PCDHGA4: variants seen among roughly 807,000 people sequenced by gnomAD.
PCDHGA4 encodes protocadherin gamma-A4.
In PCDHGA4, 38 loss-of-function variants were observed where a neutral mutation model predicts 54.6. The ratio of observed to expected loss-of-function variants is 0.70; its 90% CI spans 0.54 to 0.91. The LOEUF (loss-of-function observed/expected upper bound fraction) is 0.91. Ranked by LOEUF, PCDHGA4 falls within the 40% of genes least tolerant of loss-of-function variation. The probability of loss-of-function intolerance (pLI) is 0.00; values close to 1 mark genes in which losing one functional copy is unlikely to be tolerated. For missense variants in PCDHGA4, 1,298 were observed against 1,220.9 expected, an observed-to-expected ratio of 1.06 and a Z score of -0.94; for synonymous variants, 511 against 512.9, an observed-to-expected ratio of 1.00 and a Z score of 0.05.
chr5:141,486,287 A>G lies in PCDHGA4; in HGVS notation c.2515-8520A>G, dbSNP rs1484787777. Reference sequence around the variant, plus strand: ...AGAACCTGGCACTGTGGTGGCACTTATCAGTGTGCAGGATCCAGACTCAGG... The same window carrying G: ...AGAACCTGGCACTGTGGTGGCACTTGTCAGTGTGCAGGATCCAGACTCAGG... On this transcript the variant is annotated intron_variant, in intron 1 of 3. Transcript: ENST00000571252. The surrounding 1 kb of genome is among the most constrained non-coding windows in gnomAD (Gnocchi z 5.0). 1 of 1,613,912 alleles carries G rather than the reference A, an allele frequency of 6.2e-7. No homozygotes were observed. The highest frequency in any genetic ancestry group is 8.5e-7 in the Non-Finnish European group (1 of 1,179,970).
intron 1 of PCDHGA4, chr5:141,426,692 C>T: frequency 2.3e-6 from 1 of 435,472 alleles, no homozygotes; most frequent in Non-Finnish European, 4.7e-6. Flanking sequence ...CCCAAAATAG[C>T]ATTGTTTTAC....
chr5:141,362,306 G>A, intron 1 of PCDHGA4: 1 of 1,614,050 alleles, frequency 6.2e-7, no homozygotes, highest in Non-Finnish European at 8.5e-7. Context: ...TCAGATGCTT[G>A]GGACTGTTTT....
chr5:141,410,553 C>T, intron 1 of PCDHGA4: 1 of 1,613,232 alleles, frequency 6.2e-7, no homozygotes. Context: ...TGCAGTGTTT[C>T]TCCTGGAGCC....
chr5:141,370,932 T>A, intron 1 of PCDHGA4: 1 of 1,613,926 alleles, frequency 6.2e-7, no homozygotes, highest in Admixed American at 1.7e-5. Flanking sequence ...GCACTTCTCT[T>A]TGATTCAGAA....
At position 141,476,402 on chromosome 5, in the gene PCDHGA4, G is replaced by A. The variant is rs775511298; in HGVS notation, c.2515-18405G>A. The stretch of plus-strand genomic sequence containing the variant: ...TGTGAACGACCGTCTGGATCGAGAG[G>A]AGCTGTGTGGGACACTGCCCTCTTG... On this transcript the variant is annotated intron_variant, in intron 1 of 3. Coordinates refer to ENST00000571252, the MANE Select transcript of PCDHGA4 (RefSeq NM_018917.4). This position sits in a 1 kb window ranked among gnomAD's most constrained non-coding sequence, Gnocchi z 7.6. 9 of 1,613,992 alleles carry A rather than the reference G, an allele frequency of 5.6e-6. No individual in the cohort carries two copies. Among genetic ancestry groups the A allele is most frequent in the African/African-American group, 1.3e-5 (1 of 74,904 alleles).
At chr5:141,407,873 A>C (rs561323423) in intron 1 of PCDHGA4, 1 of 354,804 alleles carries the variant, frequency 2.8e-6, no homozygotes, top group African/African-American at 2.1e-5. Flanking sequence ...CGAAGAATAT[A>C]TACATTTCGG....
chr5:141,404,072 C>G, intron 1 of PCDHGA4: 3 of 1,613,626 alleles, frequency 1.9e-6, no homozygotes, highest in Non-Finnish European at 2.5e-6. Context: ...TGCTCATGAC[C>G]GAGACTCCGG....
rs762574320 is a variant in PCDHGA4, at chr5:141,485,926, G to A, written c.2515-8881G>A. The A allele has an allele frequency of 2.0e-5, 32 of 1,614,090 alleles. No individual in the cohort carries two copies. Among genetic ancestry groups the A allele is most frequent in the Admixed American group, 1.2e-4 (7 of 60,006 alleles). ...AGCAATCCAGCTACAGGATTAGTGT[G>A]TTGGAGAGCGCACCAGCGGGCATGG... On this transcript the variant is annotated intron_variant, in intron 1 of 3. Transcript: ENST00000571252. The surrounding 1 kb of genome is among the most constrained non-coding windows in gnomAD (Gnocchi z 5.7).
At chr5:141,408,115 C>T (rs2095044760) in intron 1 of PCDHGA4, 1 of 1,461,312 alleles carries the variant, frequency 6.8e-7, no homozygotes, top group Non-Finnish European at 9.1e-7. Context: ...GGGACTCCTC[C>T]TGTCCTGGGC....
intron 1 of PCDHGA4, chr5:141,398,152 G>T: frequency 5.3e-6 from 8 of 1,498,488 alleles, no homozygotes; most frequent in Non-Finnish European, 7.1e-6. Context: ...CGGGGAGCTG[G>T]GCCGGGCTGA....
rs1449911634 is a variant in PCDHGA4 at position 141,384,593 on chromosome 5, C to T, written c.2514+26972C>T. On this transcript the variant is annotated intron_variant, in intron 1 of 3. Transcript: ENST00000571252. ...GACAACCCGCCCGAGATCCTGTACC[C>T]GGCCCTCCCCACAGATGGTTCTACT... 3 of 1,614,252 alleles carry T rather than the reference C, an allele frequency of 1.9e-6. No individual in the cohort carries two copies. The highest frequency in any genetic ancestry group is 4.5e-5 in the East Asian group (2 of 44,888).
intron 1 of PCDHGA4, chr5:141,419,128 A>T (rs1298102722): frequency 1.2e-6 from 2 of 1,613,768 alleles, no homozygotes; most frequent in East Asian, 2.2e-5. Flanking sequence ...TCACCATCGC[A>T]GCCACAGACA....
Position 141,476,966 on chromosome 5 carries a change from G to T in PCDHGA4, c.2515-17841G>T, listed in dbSNP as rs780645226. The T allele has an allele frequency of 6.2e-7, 1 of 1,614,152 alleles. No homozygotes were observed. Among genetic ancestry groups the T allele is most frequent in the Admixed American group, 1.7e-5 (1 of 60,032 alleles). On this transcript the variant is annotated intron_variant, in intron 1 of 3. Coordinates refer to ENST00000571252, the MANE Select transcript of PCDHGA4 (RefSeq NM_018917.4). The surrounding 1 kb of genome is among the most constrained non-coding windows in gnomAD (Gnocchi z 7.6). Reference sequence around the variant, plus strand: ...CAACGGTGAAATTATTTACTCCTTCGGCAGCCACAACCGCGCCGGCGTGCG... The same window carrying T: ...CAACGGTGAAATTATTTACTCCTTCTGCAGCCACAACCGCGCCGGCGTGCG...
intron 1 of PCDHGA4, chr5:141,429,276 T>C (rs748800169): frequency 6.6e-5 from 10 of 152,228 alleles, no homozygotes; most frequent in Non-Finnish European, 1.2e-4. Flanking sequence ...TTTTTTCCTG[T>C]GATGTTTCTT....
chr5:141,401,272 G>A (rs998700154), intron 1 of PCDHGA4, among the ~76,000 whole-genome samples: 1 of 152,172 alleles, frequency 6.6e-6, no homozygotes. Flanking sequence ...AACCTGGCAG[G>A]TGGAGGTTGC....
chr5:141,380,379 A>G (rs1484471466), intron 1 of PCDHGA4, among the ~76,000 whole-genome samples: 1 of 152,244 alleles, frequency 6.6e-6, no homozygotes, highest in Non-Finnish European at 1.5e-5. Context: ...AGTCCCAAAA[A>G]AGAAAAGAGA....
At chr5:141,409,538 A>G (rs772375542) in intron 1 of PCDHGA4, 5 of 1,613,844 alleles carry the variant, frequency 3.1e-6, no homozygotes, top group Non-Finnish European at 4.2e-6. Flanking sequence ...CGCTGACATC[A>G]ACGACAACGC....
chr5:141,483,903 G>C (rs1167942546), intron 1 of PCDHGA4, among the ~76,000 whole-genome samples: 1 of 151,282 alleles, frequency 6.6e-6, no homozygotes, highest in Admixed American at 6.6e-5. Context: ...GCTCTGGTGT[G>C]TTTCCCACTC....
chr5:141,488,210 A>G (rs2099673009), intron 1 of PCDHGA4, among the ~76,000 whole-genome samples: 1 of 152,192 alleles, frequency 6.6e-6, no homozygotes, highest in Admixed American at 6.5e-5. Context: ...ACTCATATCA[A>G]GTCCCTACTG....
Sources: allele counts gnomAD v4.1 joint callset (sites outside exome capture counted in the v4.1 genomes callset), GRCh38; gene constraint gnomAD v4.1.1; non-coding constraint Gnocchi (gnomAD v3.1); transcripts MANE v1.5; gene names NCBI Gene and HGNC (gene_info 2026-07-23, HGNC 2026-07-21).